Variants in INTS6 observed in about 807,000 individuals in gnomAD.
The protein encoded by INTS6 is DEAD box protein.
Under a neutral mutation model 104.9 loss-of-function variants are expected in INTS6, and 16 were observed. That is an observed-to-expected ratio of 0.15 (90% confidence interval 0.10 to 0.23). INTS6 has a LOEUF of 0.23. Among genes scored for constraint, INTS6 ranks in the 10% least tolerant of loss-of-function variants. The pLI is 1.00. For missense variants in INTS6, 584 were observed against 1,062.8 expected (o/e 0.55, Z 6.26); for synonymous variants, 324 against 358.7 (o/e 0.90, Z 1.09).
At chr13:51,451,441 T>C (rs1359516141) in intron 2 of INTS6, 1 of 222,412 alleles carries the variant, frequency 4.5e-6, no homozygotes, top group Non-Finnish European at 8.7e-6. Context: ...TACCCAAAAT[T>C]TGGGTATGTG....
At chr13:51,365,971 T>C in intron 17 of INTS6, 126 bp from the exon 18 acceptor site, 1 of 537,168 alleles carries the variant, frequency 1.9e-6, no homozygotes, top group Non-Finnish European at 3.3e-6. Flanking sequence ...AATAGAAAAA[T>C]CAATACTACG....
intron 5 of INTS6, among the ~76,000 whole-genome samples, chr13:51,393,728 C>CT (rs2137961171): frequency 6.6e-6 from 1 of 152,292 alleles, no homozygotes; most frequent in East Asian, 1.9e-4. Flanking sequence ...GACTTTGGAA[C>CT]TTCTCTAGAG....
At chr13:51,451,651 T>C (rs1953051157) in intron 2 of INTS6, 1 of 157,862 alleles carries the variant, frequency 6.3e-6, no homozygotes, top group African/African-American at 2.4e-5. Context: ...CTAACTTGAA[T>C]AAATATCCCC....
intron 4 of INTS6, among the ~76,000 whole-genome samples, chr13:51,425,725 G>T (rs1170042339): frequency 6.6e-6 from 1 of 152,016 alleles, no homozygotes; most frequent in African/African-American, 2.4e-5. Flanking sequence ...ATTATCTGCA[G>T]ATATCAGAAG....
chr13:51,376,226 GAGACTAAAATCTCT>G (rs778426557), intron 12 of INTS6, 52 bp from the exon 13 acceptor site: 2 of 1,481,768 alleles, frequency 1.3e-6, no homozygotes, highest in Non-Finnish European at 1.8e-6. Flanking sequence ...AGAATTACAA[GAGACTAAAATCTCT>G]AGCCTGCAGC....
chr13:51,385,489 A>G (rs1956128139), intron 7 of INTS6, among the ~76,000 whole-genome samples: 5 of 152,234 alleles, frequency 3.3e-5, no homozygotes, highest in Admixed American at 3.3e-4. Flanking sequence ...GTGGAGGGAA[A>G]GATCCTCTAG....
chr13:51,370,826 T>G (rs1003507996), intron 15 of INTS6, among the ~76,000 whole-genome samples: 2 of 152,184 alleles, frequency 1.3e-5, no homozygotes. Flanking sequence ...TGGCCTGCAT[T>G]CACTTCACAA....
intron 3 of INTS6, chr13:51,447,036 TACC>T (rs1251309992): frequency 6.6e-6 from 1 of 152,180 alleles, no homozygotes; most frequent in African/African-American, 2.4e-5. Context: ...AGGTGTTTCT[TACC>T]ACAATTTAAA....
intron 17 of INTS6, 148 bp from the exon 18 acceptor site, chr13:51,365,993 T>C: frequency 2.0e-6 from 1 of 508,220 alleles, no homozygotes; most frequent in East Asian, 3.2e-5. Flanking sequence ...CAATATAAAA[T>C]ATGTTGAAAG....
chr13:51,452,700 G>C lies in INTS6; in HGVS notation c.-175C>G. 1.5e-6 allele frequency: 2 copies of C among 1,370,702 alleles called. No individual in the cohort carries two copies. The highest frequency in any genetic ancestry group is 2.9e-5 in the South Asian group (2 of 68,912). The allele number at this position is 1,370,702 out of a possible 1,614,324, so 84.9% of individuals were successfully genotyped here. A position where few individuals can be genotyped will look rare whatever the true frequency, so the allele number is the denominator to read the frequency against. ...GGGGAGTTTCTCCCCCGATAGTTGA[G>C]AGGAAACTCCCCAGACCCAGTGCTC... On this transcript the variant is annotated 5_prime_UTR_variant, in exon 1 of 18. Transcript: ENST00000311234. The surrounding 1 kb of genome is among the most constrained non-coding windows in gnomAD (Gnocchi z 4.2).
At chr13:51,449,221 A>G (rs1291270718) in intron 3 of INTS6, 1 of 152,362 alleles carries the variant, frequency 6.6e-6, no homozygotes, top group Admixed American at 6.5e-5. Flanking sequence ...CTGATTCATC[A>G]GAATAAGTGA....
At chr13:51,368,698 T>C (rs947234458) in intron 16 of INTS6, among the ~76,000 whole-genome samples, 3 of 152,150 alleles carry the variant, frequency 2.0e-5, no homozygotes, top group African/African-American at 7.2e-5. Flanking sequence ...TTCCTGTCAA[T>C]TTATCTGTAC....
Position 51,452,772 on chromosome 13 carries a change from G to T in INTS6, c.-247C>A. 8.2e-7 allele frequency: 1 copy of T among 1,217,436 alleles called. No homozygotes were observed. The highest frequency in any genetic ancestry group is 1.8e-5 in the South Asian group (1 of 55,568). The allele number at this position is 1,217,436 out of a possible 1,614,324, so 75.4% of individuals were successfully genotyped here. The stretch of plus-strand genomic sequence containing the variant: ...CCTCCTCCTGCCTGCCTGCCCGCTG[G>T]GGCGGGCGCCCAGCCGTCTGTCTGT... On this transcript the variant is annotated 5_prime_UTR_variant, in exon 1 of 18. Transcript: ENST00000311234. The surrounding 1 kb of genome is among the most constrained non-coding windows in gnomAD (Gnocchi z 4.2).
At chr13:51,429,489 G>A (rs1957044804) in intron 4 of INTS6, among the ~76,000 whole-genome samples, 1 of 151,814 alleles carries the variant, frequency 6.6e-6, no homozygotes, top group Non-Finnish European at 1.5e-5. Context: ...TATACAGCTG[G>A]GTGCAGTGGC....
rs889082172 is a variant in INTS6, at chr13:51,365,550, T to A, written c.*202A>T. 5 of 351,016 alleles carry A rather than the reference T, an allele frequency of 1.4e-5. No homozygotes were observed. Among genetic ancestry groups the A allele is most frequent in the Non-Finnish European group, 2.7e-5 (5 of 186,622 alleles). 21.7% of individuals were successfully genotyped at this position (351,016 alleles called of 1,614,324 possible). On this transcript the variant is annotated 3_prime_UTR_variant, in exon 18 of 18. Transcript: ENST00000311234. Reference sequence around the variant, plus strand: ...GTTAAATTAAAAATGTTTTTTAGAGTGATACTTTTCACATTACAAAAATAA... The same window carrying A: ...GTTAAATTAAAAATGTTTTTTAGAGAGATACTTTTCACATTACAAAAATAA...
At chr13:51,412,035 A>G (rs1956697439) in intron 4 of INTS6, among the ~76,000 whole-genome samples, 1 of 152,232 alleles carries the variant, frequency 6.6e-6, no homozygotes, top group African/African-American at 2.4e-5. Flanking sequence ...CATTATGCTA[A>G]AGAAGCCAGC....
chr13:51,336,688 C>G, the INTS6 span, among the ~76,000 whole-genome samples: 1 of 152,118 alleles, frequency 6.6e-6, no homozygotes, highest in Non-Finnish European at 1.5e-5. Flanking sequence ...TCCTGCTTAT[C>G]AGGCACCATG....
chr13:51,341,174 T>C, the INTS6 span: 1 of 1,613,932 alleles, frequency 6.2e-7, no homozygotes, highest in Admixed American at 1.7e-5. Context: ...GGAATGACAT[T>C]GCTGAAGACT....
chr13:51,370,642 T>C (rs1318075490), intron 15 of INTS6, among the ~76,000 whole-genome samples: 1 of 152,148 alleles, frequency 6.6e-6, no homozygotes, highest in East Asian at 1.9e-4. Context: ...CCAATGGTGG[T>C]GGGCTGGACA....
Sources: allele counts gnomAD v4.1 joint callset (sites outside exome capture counted in the v4.1 genomes callset), GRCh38; gene constraint gnomAD v4.1.1; non-coding constraint Gnocchi (gnomAD v3.1); transcripts MANE v1.5; gene names NCBI Gene and HGNC (gene_info 2026-07-23, HGNC 2026-07-21).